The following CAMSAP1 variants were observed in gnomAD, a reference collection of about 807,000 sequenced individuals.
CAMSAP1 encodes calmodulin regulated spectrin associated protein 1.
A neutral mutation model predicts 143.5 loss-of-function variants in CAMSAP1; 58 were observed. The observed-to-expected ratio is 0.40, with a 90% confidence interval of 0.33 to 0.50. CAMSAP1 has a LOEUF of 0.50. CAMSAP1 is among the 20% of genes least tolerant of loss of function. The pLI, the probability that CAMSAP1 is intolerant of heterozygous loss-of-function variation, is 0.45. For missense variants in CAMSAP1, 1,969 were observed against 2,115.7 expected (o/e 0.93, Z 1.36); for synonymous variants, 945 against 859.3 (o/e 1.10, Z -1.74).
chr9:135,822,603 G>A lies in CAMSAP1; in HGVS notation c.2058C>T (p.Gly686=), dbSNP rs770874241. 1.6e-5 allele frequency: 26 copies of A among 1,613,048 alleles called. No individual in the cohort carries two copies. Among genetic ancestry groups the A allele is most frequent in the African/African-American group, 2.7e-5 (2 of 74,830 alleles). The part of the protein sequence containing the change: ...GEVCGGPLAL[G]GFDPFPQGPS... ...GTCCCTGGGGGAACGGATCGAATCC[G>A]CCAAGGGCCAGAGGCCCACCACAGA... The change falls in exon 11 of 17, where the codon GGC becomes GGT. Residue 686 remains glycine (G), a synonymous_variant. Coordinates refer to ENST00000389532, the MANE Select transcript of CAMSAP1 (RefSeq NM_015447.4). This position sits in a 1 kb window ranked among gnomAD's most constrained non-coding sequence, Gnocchi z 6.1.
At position 135,811,535 on chromosome 9, in the gene CAMSAP1, C is replaced by T. The variant is rs139570299; in HGVS notation, c.4583G>A (p.Cys1528Tyr). The T allele has an allele frequency of 5.0e-6, 8 of 1,606,026 alleles. No homozygotes were observed. Among genetic ancestry groups the T allele is most frequent in the Non-Finnish European group, 6.8e-6 (8 of 1,176,052 alleles). Residue 1528 changes from cysteine to tyrosine, a missense_variant, in exon 17 of 17, where the codon TGC becomes TAC. By Grantham distance (194) the Cys-to-Tyr change is radical (BLOSUM62 -2). Around this residue, in one of 4 missense-constraint regions of CAMSAP1, gnomAD observed 143 missense variants for 200.6 expected, o/e 0.71. Coordinates refer to ENST00000389532, the MANE Select transcript of CAMSAP1 (RefSeq NM_015447.4). This position sits in a 1 kb window ranked among gnomAD's most constrained non-coding sequence, Gnocchi z 4.9. ...GATTTCCTCAGTATCAGGATAGTAG[C>T]AGTAAAGCGCCCTGAACTGGCAGCC... ...DAGCQFRALYCYYPDTEEIYK... is the reference protein window; with the variant it reads ...DAGCQFRALYYYYPDTEEIYK...
At chr9:135,844,138 C>T (rs1300293047) in intron 7 of CAMSAP1, among the ~76,000 whole-genome samples, 1 of 152,196 alleles carries the variant, frequency 6.6e-6, no homozygotes, top group African/African-American at 2.4e-5. Context: ...CCCAAATCAA[C>T]AGAATACACA....
chr9:135,867,418 G>A (rs1041698934), intron 3 of CAMSAP1, among the ~76,000 whole-genome samples: 4 of 151,160 alleles, frequency 2.6e-5, no homozygotes, highest in East Asian at 1.9e-4. Flanking sequence ...GCTGAGGCAC[G>A]AAGATCACTT....
intron 3 of CAMSAP1, among the ~76,000 whole-genome samples, chr9:135,877,608 C>T (rs1312174729): frequency 6.6e-6 from 1 of 151,636 alleles, no homozygotes; most frequent in Non-Finnish European, 1.5e-5. Flanking sequence ...TAATTCAAAA[C>T]TAGCCTGGGC....
intron 7 of CAMSAP1, among the ~76,000 whole-genome samples, chr9:135,830,940 G>A (rs1051400015): frequency 1.3e-5 from 2 of 152,176 alleles, no homozygotes; most frequent in African/African-American, 4.8e-5. Context: ...GGAGGCTGAG[G>A]GGGGCAGATC....
Position 135,826,118 on chromosome 9 carries a change from T to C in CAMSAP1, c.1224-1238A>G, listed in dbSNP as rs1835662480. ...GACGAGGATGCACCGAGTGGGAAAA[T>C]TCTCACCACAGGCTGCTGGGTGCAG... On this transcript the variant is annotated intron_variant, in intron 8 of 16. Coordinates refer to ENST00000389532, the MANE Select transcript of CAMSAP1 (RefSeq NM_015447.4). The surrounding 1 kb of genome is among the most constrained non-coding windows in gnomAD (Gnocchi z 4.4). 6.6e-6 allele frequency: 1 copy of C among 151,832 alleles called. No individual in the cohort carries two copies. The highest frequency in any genetic ancestry group is 2.4e-5 in the African/African-American group (1 of 41,230). 9.4% of individuals were successfully genotyped at this position (151,832 alleles called of 1,614,324 possible). A position where few individuals can be genotyped will look rare whatever the true frequency, so the allele number is the denominator to read the frequency against.
chr9:135,894,756 AG>A (rs1292648745), intron 1 of CAMSAP1, among the ~76,000 whole-genome samples: 5 of 152,254 alleles, frequency 3.3e-5, no homozygotes, highest in Admixed American at 3.3e-4. Flanking sequence ...CAAAATGATC[AG>A]GAAGCCATCA....
chr9:135,867,230 G>A (rs1420876902), intron 3 of CAMSAP1, among the ~76,000 whole-genome samples: 5 of 151,972 alleles, frequency 3.3e-5, no homozygotes, highest in East Asian at 1.9e-4. Flanking sequence ...TCAGGAGTAC[G>A]AAAAACTGTT....
intron 16 of CAMSAP1, among the ~76,000 whole-genome samples, chr9:135,814,557 G>A (rs1182540239): frequency 4.6e-5 from 7 of 152,168 alleles, no homozygotes; most frequent in Admixed American, 4.6e-4. Context: ...CCCTGGGCAT[G>A]CACACTGGGT....
At chr9:135,896,140 C>T (rs1040659422) in intron 1 of CAMSAP1, among the ~76,000 whole-genome samples, 1 of 152,070 alleles carries the variant, frequency 6.6e-6, no homozygotes, top group African/African-American at 2.4e-5. Context: ...AAAAACATAA[C>T]ATCATTACAT....
At chr9:135,897,194 G>T (rs551606324) in intron 1 of CAMSAP1, among the ~76,000 whole-genome samples, 3 of 152,024 alleles carry the variant, frequency 2.0e-5, no homozygotes, top group Non-Finnish European at 4.4e-5. Context: ...TCACTCTGTT[G>T]CCCAGGCTGG....
At chr9:135,863,816 A>G (rs948307344) in intron 4 of CAMSAP1, among the ~76,000 whole-genome samples, 1 of 152,198 alleles carries the variant, frequency 6.6e-6, no homozygotes, top group Admixed American at 6.5e-5. Context: ...GGGTTCCAGC[A>G]TGCAGTGCAC....
chr9:135,825,540 G>A (rs998126935), intron 8 of CAMSAP1, among the ~76,000 whole-genome samples: 2 of 152,172 alleles, frequency 1.3e-5, no homozygotes, highest in African/African-American at 4.8e-5. Flanking sequence ...CCTCACTCCC[G>A]GGAAGAACGG....
chr9:135,888,264 G>A (rs906191254), intron 1 of CAMSAP1, among the ~76,000 whole-genome samples: 3 of 152,222 alleles, frequency 2.0e-5, no homozygotes, highest in African/African-American at 4.8e-5. Context: ...TATTCCTTCC[G>A]TCGCTATTAC....
At position 135,811,682 on chromosome 9, in the gene CAMSAP1, C is replaced by T; in HGVS notation, c.4507-71G>A. On this transcript the variant is annotated intron_variant, in intron 16 of 16. Transcript: ENST00000389532. The surrounding 1 kb of genome is among the most constrained non-coding windows in gnomAD (Gnocchi z 4.9). Reference sequence around the variant, plus strand: ...CTCCAATTGCCACGAGTTGGGCTCCCACAGCGGCTCAACCAGCACCGCTCC... The same window carrying T: ...CTCCAATTGCCACGAGTTGGGCTCCTACAGCGGCTCAACCAGCACCGCTCC... 6.9e-7 allele frequency: 1 copy of T among 1,445,648 alleles called. No homozygotes were observed. Among genetic ancestry groups the T allele is most frequent in the Non-Finnish European group, 9.4e-7 (1 of 1,065,354 alleles). The allele number at this position is 1,445,648 out of a possible 1,614,324, so 89.6% of individuals were successfully genotyped here.
In CAMSAP1 at chr9:135,823,174, G is replaced by A; in HGVS notation, c.1487C>T (p.Ala496Val). 1.2e-6 allele frequency: 2 copies of A among 1,606,246 alleles called. No homozygotes were observed. The highest frequency in any genetic ancestry group is 2.7e-5 in the African/African-American group (2 of 74,856). ...CAAACTGTCTTTGCTGATGGAGCGG[G>A]CCAAGCTGATGCTGTCGCCAGAGCT... ...DPSSGDSISL[A>V]RSISKDSLAS... Residue 496 changes from alanine to valine, a missense_variant, in exon 11 of 17, where the codon GCC becomes GTC. Physicochemically the swap from Ala to Val is moderately conservative, Grantham distance 64. Coordinates refer to ENST00000389532, the MANE Select transcript of CAMSAP1 (RefSeq NM_015447.4).
chr9:135,809,729 T>C lies in CAMSAP1; in HGVS notation c.*1580A>G, dbSNP rs1834973808. The C allele has an allele frequency of 6.6e-6, 1 of 152,630 alleles. No individual in the cohort carries two copies. The highest frequency in any genetic ancestry group is 1.5e-5 in the Non-Finnish European group (1 of 68,038). The allele number at this position is 152,630 out of a possible 1,614,324, so 9.5% of individuals were successfully genotyped here. ...CACTCAGGACTGTGTAACTCAGCAC[T>C]TGAGAAATCATACAGCCTTTAGTTC... On this transcript the variant is annotated 3_prime_UTR_variant, in exon 17 of 17. Transcript: ENST00000389532.
chr9:135,907,286 G>A lies in CAMSAP1; in HGVS notation c.-127C>T. ...AGCCGGCCAGCCGGGAGGGGCGCCC[G>A]AGCGCGGCCCCCGCCTCACCTCACA... On this transcript the variant is annotated 5_prime_UTR_variant, in exon 1 of 17. Transcript: ENST00000389532. 1.9e-6 allele frequency: 1 copy of A among 514,962 alleles called. No individual in the cohort carries two copies. Among genetic ancestry groups the A allele is most frequent in the Non-Finnish European group, 2.5e-6 (1 of 401,688 alleles). 31.9% of individuals were successfully genotyped at this position (514,962 alleles called of 1,614,324 possible).
chr9:135,818,430 G>A lies in CAMSAP1; in HGVS notation c.4146C>T (p.Ser1382=), dbSNP rs1410413849. ...TACGGGTGGAGGAGCACTTGGTGCC[G>A]GAGTCGCTGCACGACTCTTCCCGGT... The part of the protein sequence containing the change: ...SVHREESCSD[S]GTKCSSTPDN... Residue 1382 remains serine, a synonymous_variant, in exon 13 of 17, where the codon TCC becomes TCT. Transcript: ENST00000389532. This position sits in a 1 kb window ranked among gnomAD's most constrained non-coding sequence, Gnocchi z 7.7. 8 of 1,591,444 alleles carry A rather than the reference G, an allele frequency of 5.0e-6. No homozygotes were observed. The South Asian group carries it at 5.6e-5, about 11-fold the overall frequency.
Sources: gnomAD v4.1 joint callset for allele counts (sites outside exome capture counted in the v4.1 genomes callset) on GRCh38, gnomAD v4.1.1 for gene constraint, gnomAD v4.1.1 regional missense constraint, Gnocchi (gnomAD v3.1) non-coding constraint, MANE v1.5 for transcripts, NCBI Gene and HGNC (gene_info 2026-07-23, HGNC 2026-07-21) for gene names.